Variants in PIP5K1B observed in about 807,000 individuals in gnomAD.
PIP5K1B encodes the protein phosphatidylinositol-4-phosphate 5-kinase type 1 beta, also known as phosphatidylinositol 4-phosphate 5-kinase type-1 beta.
PIP5K1B carries 42 observed loss-of-function variants against 67.0 expected under a neutral mutation model. That is an observed-to-expected ratio of 0.63 (90% confidence interval 0.49 to 0.81). The LOEUF is 0.81. Among genes scored for constraint, PIP5K1B ranks in the 30% least tolerant of loss-of-function variants. PIP5K1B has a pLI of 0.00. For missense variants in PIP5K1B, 459 were observed against 646.3 expected (o/e 0.71, Z 3.14); for synonymous variants, 214 against 231.4 (o/e 0.92, Z 0.68).
chr9:68,785,637 T>G (rs1300796287), intron 2 of PIP5K1B, among the ~76,000 whole-genome samples: 2 of 152,232 alleles, frequency 1.3e-5, no homozygotes, highest in Non-Finnish European at 2.9e-5. Context: ...AGTGCTATCA[T>G]TATCCTCATT....
At chr9:68,720,997 A>T (rs1053215604) in intron 1 of PIP5K1B, among the ~76,000 whole-genome samples, 3 of 152,216 alleles carry the variant, frequency 2.0e-5, no homozygotes, top group Non-Finnish European at 4.4e-5. Context: ...CAGGCATAAC[A>T]CGTATGAAGC....
Position 68,972,456 on chromosome 9 carries a change from C to T in PIP5K1B, c.1503-18684C>T, listed in dbSNP as rs995362195. ...AGGAGTTCAAGACCAGCCCGGCTAA[C>T]GTGGTAAAACCCCGTCTCTACAAAA... On this transcript the variant is annotated intron_variant, in intron 14 of 15. Coordinates refer to ENST00000265382, the MANE Select transcript of PIP5K1B (RefSeq NM_003558.4). Among the ~76,000 whole-genome samples, 7 of 152,042 alleles carry T rather than the reference C, an allele frequency of 4.6e-5. No individual in the cohort carries two copies. The South Asian group carries it at 1.2e-3, about 27-fold the overall frequency.
chr9:68,762,491 C>T (rs1217132036), intron 2 of PIP5K1B, among the ~76,000 whole-genome samples: 1 of 152,040 alleles, frequency 6.6e-6, no homozygotes, highest in Non-Finnish European at 1.5e-5. Context: ...GGAAATGCCA[C>T]ATCTATTTGC....
chr9:68,889,140 A>T lies in PIP5K1B; in HGVS notation c.471+7A>T. 6.2e-7 allele frequency: 1 copy of T among 1,604,130 alleles called. No homozygotes were observed. Among genetic ancestry groups the T allele is most frequent in the Non-Finnish European group, 8.5e-7 (1 of 1,172,376 alleles). ...ACTGCCAGGCTATTACATGGTAAGGAACTGCACATCATTAATGCTTCTACT... is the reference window on the plus strand; with the variant it reads ...ACTGCCAGGCTATTACATGGTAAGGTACTGCACATCATTAATGCTTCTACT... On this transcript the variant is annotated splice_region_variant and intron_variant, in intron 7 of 15. Transcript: ENST00000265382.
intron 15 of PIP5K1B, among the ~76,000 whole-genome samples, 197 bp from the exon 16 acceptor site, chr9:69,008,250 T>C (rs1314444906): frequency 6.6e-6 from 1 of 152,178 alleles, no homozygotes; most frequent in African/African-American, 2.4e-5. Context: ...TAAACATTGG[T>C]GTAATTAACA....
chr9:68,916,879 A>AT (rs1790770833), intron 8 of PIP5K1B, among the ~76,000 whole-genome samples: 1 of 149,662 alleles, frequency 6.7e-6, no homozygotes, highest in Non-Finnish European at 1.5e-5. Context: ...CTCAAAAATA[A>AT]AAAAAAAAAA....
intron 4 of PIP5K1B, among the ~76,000 whole-genome samples, chr9:68,845,217 G>C (rs1042711774): frequency 1.3e-5 from 2 of 152,198 alleles, no homozygotes; most frequent in Non-Finnish European, 2.9e-5. Context: ...AACTGATTGT[G>C]CTGCGTGTTG....
intron 12 of PIP5K1B, among the ~76,000 whole-genome samples, chr9:68,924,401 C>CAAAAAAAAAAAAAAAAAAA (rs71353093): frequency 1.2e-5 from 1 of 86,768 alleles, no homozygotes; most frequent in African/African-American, 4.7e-5. Context: ...CACTGCGCCT[C>CAAAAAAAAAAAAAAAAAAA]AAAAAAAAAA....
chr9:68,821,860 T>G (rs1833747448), intron 3 of PIP5K1B, among the ~76,000 whole-genome samples: 1 of 152,352 alleles, frequency 6.6e-6, no homozygotes, highest in East Asian at 1.9e-4. Context: ...CACAGTGGTG[T>G]CCACACAGTG....
intron 6 of PIP5K1B, among the ~76,000 whole-genome samples, 166 bp downstream of exon 6, chr9:68,876,960 T>C (rs1270196987): frequency 1.3e-5 from 2 of 152,224 alleles, no homozygotes; most frequent in African/African-American, 4.8e-5. Flanking sequence ...AGAAATTTGA[T>C]GTGACTTTGT....
At chr9:68,812,840 C>T (rs80095931) in intron 2 of PIP5K1B, among the ~76,000 whole-genome samples, 27,800 of 152,186 alleles carry the variant, frequency 0.18, 2,629 homozygotes, top group East Asian at 0.23. Flanking sequence ...TTTGGATCTC[C>T]ACGTATTTAC....
intron 5 of PIP5K1B, among the ~76,000 whole-genome samples, chr9:68,866,431 T>C (rs1823358152): frequency 6.6e-6 from 1 of 151,936 alleles, no homozygotes; most frequent in African/African-American, 2.4e-5. Context: ...ACATATACAC[T>C]CATATAATAT....
intron 2 of PIP5K1B, among the ~76,000 whole-genome samples, chr9:68,778,524 T>G (rs1485340684): frequency 1.3e-5 from 2 of 152,218 alleles, no homozygotes; most frequent in African/African-American, 4.8e-5. Context: ...CTGCAAATCC[T>G]ATTTGTTCTA....
chr9:68,913,220 G>A (rs1825934493), intron 8 of PIP5K1B, among the ~76,000 whole-genome samples: 1 of 152,126 alleles, frequency 6.6e-6, no homozygotes, highest in African/African-American at 2.4e-5. Context: ...TTTACAAGTA[G>A]GGAAGTAAAG....
At chr9:68,943,256 G>A (rs992399525) in intron 14 of PIP5K1B, among the ~76,000 whole-genome samples, 10 of 152,162 alleles carry the variant, frequency 6.6e-5, no homozygotes, top group African/African-American at 2.4e-4. Flanking sequence ...TCATTCATCT[G>A]TGCTGTCACC....
chr9:68,992,200 T>TG (rs11419969), intron 15 of PIP5K1B, among the ~76,000 whole-genome samples: 151,589 of 152,160 alleles, frequency 1, 75,510 homozygotes, highest in Middle Eastern at 1. Context: ...CGACCTCAGG[T>TG]ATCTGCCCAC....
At chr9:68,798,962 G>A (rs1431512587) in intron 2 of PIP5K1B, among the ~76,000 whole-genome samples, 1 of 152,212 alleles carries the variant, frequency 6.6e-6, no homozygotes, top group Non-Finnish European at 1.5e-5. Context: ...AATCAAGAAT[G>A]ACTGATTTTT....
intron 4 of PIP5K1B, among the ~76,000 whole-genome samples, chr9:68,852,744 G>A (rs750157190): frequency 3.3e-5 from 5 of 152,160 alleles, no homozygotes; most frequent in Non-Finnish European, 7.4e-5. Flanking sequence ...AGCTGGACTG[G>A]GGGGATTTTA....
chr9:68,787,696 A>C (rs2132483836), intron 2 of PIP5K1B, among the ~76,000 whole-genome samples: 1 of 151,910 alleles, frequency 6.6e-6, no homozygotes, highest in Non-Finnish European at 1.5e-5. Flanking sequence ...GCAGGGGTGC[A>C]ATCTTGGCTC....
Sources: gnomAD v4.1 joint callset for allele counts (sites outside exome capture counted in the v4.1 genomes callset) on GRCh38, gnomAD v4.1.1 for gene constraint, MANE v1.5 for transcripts, NCBI Gene and HGNC (gene_info 2026-07-23, HGNC 2026-07-21) for gene names.